ROBO2: variants seen among roughly 807,000 people sequenced by gnomAD.
The protein encoded by ROBO2 is roundabout homolog 2.
A neutral mutation model predicts 160.8 loss-of-function variants in ROBO2; 53 were observed. The ratio of observed to expected loss-of-function variants is 0.33; its 90% CI spans 0.26 to 0.41. The LOEUF (loss-of-function observed/expected upper bound fraction) is 0.41. Among genes scored for constraint, ROBO2 ranks in the 10% least tolerant of loss-of-function variants. The pLI is 1.00. For synonymous variants in ROBO2, 664 were observed against 611.7 expected, an observed-to-expected ratio of 1.09 and a Z score of -1.26; for missense variants, 1,577 against 1,722.4, an observed-to-expected ratio of 0.92 and a Z score of 1.49.
intron 6 of ROBO2, among the ~76,000 whole-genome samples, chr3:77,526,014 A>T (rs2091117573): frequency 6.6e-6 from 1 of 151,376 alleles, no homozygotes; most frequent in Non-Finnish European, 1.5e-5. Flanking sequence ...TTTGATAGTC[A>T]ATCTTGTATT....
chr3:76,570,632 T>G (rs1333812666), intron 2 of ROBO2, among the ~76,000 whole-genome samples: 1 of 152,172 alleles, frequency 6.6e-6, no homozygotes, highest in Non-Finnish European at 1.5e-5. Flanking sequence ...TTGCTAAGCT[T>G]TTTTTAGAGC....
chr3:76,259,633 A>G (rs911431851), intron 2 of ROBO2, among the ~76,000 whole-genome samples: 6 of 152,162 alleles, frequency 3.9e-5, no homozygotes, highest in Non-Finnish European at 5.9e-5. Context: ...TGTTCAGTAT[A>G]GTAAAGATAA....
At chr3:76,854,114 A>G (rs1031097479) in intron 2 of ROBO2, among the ~76,000 whole-genome samples, 11 of 149,560 alleles carry the variant, frequency 7.4e-5, no homozygotes, top group African/African-American at 2.7e-4. Context: ...ATAGCATGTT[A>G]TACCTAAAAT....
At chr3:76,212,747 T>C (rs566572970) in intron 2 of ROBO2, among the ~76,000 whole-genome samples, 1 of 152,096 alleles carries the variant, frequency 6.6e-6, no homozygotes, top group Non-Finnish European at 1.5e-5. Context: ...TACTTGCTTC[T>C]CTGTAGTTCT....
intron 5 of ROBO2, among the ~76,000 whole-genome samples, chr3:77,505,614 T>C (rs2088386867): frequency 6.6e-6 from 1 of 152,182 alleles, no homozygotes; most frequent in Admixed American, 6.6e-5. Context: ...ATGCCATCTA[T>C]GATAAGATGA....
rs1224269358 is a variant in ROBO2 at position 77,200,301 on chromosome 3, ATATATATATATATATATATATT to A, written c.388+101963_388+101984del. ...TATATATATATATATATATATATAT[ATATATATATATATATATATATT>A]TTAGTTTCTATAGGTAAAGGGAATA... is the stretch of plus-strand genomic sequence containing the variant. On this transcript the variant is annotated intron_variant, in intron 2 of 25. Coordinates refer to ENST00000461745, the Ensembl canonical transcript of ROBO2. 2.7e-3 allele frequency among the ~76,000 whole-genome samples: 211 copies of A among 79,368 alleles called. 7 individuals carry two copies. The highest frequency in any genetic ancestry group is 4.8e-3 in the Admixed American group (36 of 7,442). 52.1% of individuals were successfully genotyped at this position (79,368 alleles called of 152,430 possible).
At chr3:76,876,594 G>A (rs1362550888) in intron 2 of ROBO2, among the ~76,000 whole-genome samples, 1 of 151,978 alleles carries the variant, frequency 6.6e-6, no homozygotes, top group Non-Finnish European at 1.5e-5. Context: ...AGAATTGCTT[G>A]AACCTGAGAG....
chr3:77,060,835 T>C (rs6548475), intron 1 of ROBO2, among the ~76,000 whole-genome samples: 149,707 of 152,338 alleles, frequency 0.98, 73,592 homozygotes, highest in East Asian at 1. Context: ...CCAAGCAATT[T>C]ATGTTTACTA....
chr3:77,253,723 T>C (rs1178767666), intron 2 of ROBO2, among the ~76,000 whole-genome samples: 1 of 152,194 alleles, frequency 6.6e-6, no homozygotes, highest in East Asian at 1.9e-4. Flanking sequence ...TCTTGTGTTC[T>C]AAATATTTGG....
At chr3:76,636,768 T>C (rs1053525648) in intron 2 of ROBO2, among the ~76,000 whole-genome samples, 1 of 152,156 alleles carries the variant, frequency 6.6e-6, no homozygotes, top group African/African-American at 2.4e-5. Flanking sequence ...TTCAGAGTGG[T>C]GCTCCTAATG....
chr3:76,707,731 G>GTGTATATA (rs376823667), intron 2 of ROBO2, among the ~76,000 whole-genome samples: 10 of 134,214 alleles, frequency 7.5e-5, no homozygotes, highest in South Asian at 2.5e-4. Context: ...ACATGTGTGT[G>GTGTATATA]TATATATATA....
At chr3:77,513,413 A>G (rs1472989635) in intron 5 of ROBO2, among the ~76,000 whole-genome samples, 1 of 151,872 alleles carries the variant, frequency 6.6e-6, no homozygotes, top group Non-Finnish European at 1.5e-5. Flanking sequence ...ATTTAGCCAT[A>G]TAGGAAATCT....
At chr3:76,555,401 A>AGAG (rs1560141186) in intron 2 of ROBO2, among the ~76,000 whole-genome samples, 1 of 72,704 alleles carries the variant, frequency 1.4e-5, no homozygotes, top group Non-Finnish European at 4.0e-5. Context: ...AAGAAGAAGA[A>AGAG]GAAGAAGAAG....
chr3:77,442,269 G>A (rs1266789467), intron 2 of ROBO2, among the ~76,000 whole-genome samples: 1 of 151,614 alleles, frequency 6.6e-6, no homozygotes, highest in Non-Finnish European at 1.5e-5. Context: ...CTGAGATCGC[G>A]CCACTGAACT....
intron 21 of ROBO2, among the ~76,000 whole-genome samples, chr3:77,609,943 C>A (rs1043311936): frequency 6.7e-6 from 1 of 150,312 alleles, no homozygotes; most frequent in African/African-American, 2.4e-5. Flanking sequence ...GTAATATTGA[C>A]AACAAAATTC....
intron 2 of ROBO2, among the ~76,000 whole-genome samples, chr3:77,453,318 T>C (rs1241126051): frequency 6.6e-6 from 1 of 152,068 alleles, no homozygotes; most frequent in African/African-American, 2.4e-5. Context: ...GAGAACATGG[T>C]ATCTCTCCAA....
At chr3:76,547,369 AG>A (rs1158314307) in intron 2 of ROBO2, among the ~76,000 whole-genome samples, 1 of 151,926 alleles carries the variant, frequency 6.6e-6, no homozygotes, top group Non-Finnish European at 1.5e-5. Context: ...TTTTCCTTAA[AG>A]CCTATGTATT....
At chr3:77,281,315 CG>C (rs2060223001) in intron 2 of ROBO2, among the ~76,000 whole-genome samples, 1 of 152,006 alleles carries the variant, frequency 6.6e-6, no homozygotes, top group Non-Finnish European at 1.5e-5. Flanking sequence ...ATCCTTCTTT[CG>C]TTACCTCCCA....
At chr3:76,648,716 C>T (rs2091106167) in intron 2 of ROBO2, among the ~76,000 whole-genome samples, 1 of 151,832 alleles carries the variant, frequency 6.6e-6, no homozygotes, top group South Asian at 2.1e-4. Flanking sequence ...ATATGAGTAT[C>T]CACTGTACTA....
Sources: gnomAD v4.1 joint callset for allele counts (sites outside exome capture counted in the v4.1 genomes callset) on GRCh38, gnomAD v4.1.1 for gene constraint, MANE v1.5 for transcripts, NCBI Gene and HGNC (gene_info 2026-07-23, HGNC 2026-07-21) for gene names.